Variants in BAG3 observed in about 807,000 individuals in gnomAD.
The protein encoded by BAG3 is BAG family molecular chaperone regulator 3.
In BAG3, 14 loss-of-function variants were observed where a neutral mutation model predicts 40.5. The ratio of observed to expected loss-of-function variants is 0.35; its 90% CI spans 0.23 to 0.54. The LOEUF is 0.54. Ranked by LOEUF, BAG3 falls within the 20% of genes least tolerant of loss-of-function variation. BAG3 has a pLI of 0.91. For synonymous variants in BAG3, 302 were observed against 307.8 expected (o/e 0.98, Z 0.20); for missense variants, 788 against 758.6 (o/e 1.04, Z -0.46).
At position 119,651,572 on chromosome 10, in the gene BAG3, A is replaced by G; in HGVS notation, c.-104A>G. 1 of 1,127,128 alleles carries G rather than the reference A, an allele frequency of 8.9e-7. No individual in the cohort carries two copies. Among genetic ancestry groups the G allele is most frequent in the Non-Finnish European group, 1.2e-6 (1 of 862,830 alleles). The allele number at this position is 1,127,128 out of a possible 1,614,324, so 69.8% of individuals were successfully genotyped here. A position where few individuals can be genotyped will look rare whatever the true frequency, so the allele number is the denominator to read the frequency against. ...GGTGCCCGGCGCCGGCTTCCCGGAC[A>G]CGTCGGCGGCGGAGAGGGGCCCACG... On this transcript the variant is annotated 5_prime_UTR_variant, in exon 1 of 4. Transcript: ENST00000369085.
chr10:119,651,454 T>G lies in BAG3; in HGVS notation c.-222T>G. On this transcript the variant is annotated 5_prime_UTR_variant, in exon 1 of 4. Transcript: ENST00000369085. The stretch of plus-strand genomic sequence containing the variant: ...TCTAGCCGGCCAGTTGCTACCTCCC[T>G]TTATCTCCTCCTTCCCCTCTGGCAG... 2.3e-6 allele frequency: 1 copy of G among 429,078 alleles called. No individual in the cohort carries two copies. The highest frequency in any genetic ancestry group is 4.0e-6 in the Non-Finnish European group (1 of 248,386). The allele number at this position is 429,078 out of a possible 1,614,324, so 26.6% of individuals were successfully genotyped here.
chr10:119,668,560 C>A (rs940190567), intron 1 of BAG3, among the ~76,000 whole-genome samples: 1 of 152,360 alleles, frequency 6.6e-6, no homozygotes. Flanking sequence ...ACTGTTAGGA[C>A]TTCTGTTGCG....
intron 1 of BAG3, among the ~76,000 whole-genome samples, chr10:119,654,354 C>G (rs1728356656): frequency 6.6e-6 from 1 of 152,184 alleles, no homozygotes; most frequent in Non-Finnish European, 1.5e-5. Flanking sequence ...GCATGAGGAG[C>G]TCAAGAGACG....
chr10:119,666,371 G>T (rs1467051484), intron 1 of BAG3, among the ~76,000 whole-genome samples: 4 of 152,124 alleles, frequency 2.6e-5, no homozygotes, highest in African/African-American at 9.7e-5. Context: ...CACTGCCCCT[G>T]CCTGCAGTGA....
At chr10:119,654,284 G>A (rs762215193) in intron 1 of BAG3, among the ~76,000 whole-genome samples, 1 of 152,166 alleles carries the variant, frequency 6.6e-6, no homozygotes, top group African/African-American at 2.4e-5. Flanking sequence ...GCTGAGGCCC[G>A]TCTGAGCATC....
In BAG3 at chr10:119,676,783, C is replaced by G. The variant is rs767934279; in HGVS notation, c.1229C>G (p.Pro410Arg). The G allele has an allele frequency of 6.2e-7, 1 of 1,614,200 alleles. No individual in the cohort carries two copies. Among genetic ancestry groups the G allele is most frequent in the Non-Finnish European group, 8.5e-7 (1 of 1,180,046 alleles). ...CCTGCAGAAGCTACACCTCCAAAAC[C>G]AGGAGAAGCCGAGGCTCCCCCAAAA... ...TAPAEATPPK[P>R]GEAEAPPKHP... The change falls in exon 4 of 4, where the codon CCA (proline) becomes CGA (arginine). Residue 410 changes from proline (P) to arginine (R), a missense_variant. By Grantham distance (103) the Pro-to-Arg change is moderately radical. Coordinates refer to ENST00000369085, the MANE Select transcript of BAG3 (RefSeq NM_004281.4).
At chr10:119,661,690 AT>A (rs1330480399) in intron 1 of BAG3, among the ~76,000 whole-genome samples, 2 of 151,906 alleles carry the variant, frequency 1.3e-5, no homozygotes, top group Non-Finnish European at 2.9e-5. Context: ...CCTGTGACTT[AT>A]GATAGTTTAT....
intron 1 of BAG3, among the ~76,000 whole-genome samples, chr10:119,656,095 T>C (rs950476132): frequency 6.6e-6 from 1 of 152,224 alleles, no homozygotes; most frequent in African/African-American, 2.4e-5. Context: ...ATGTTTATCA[T>C]CCAAAGTAGA....
chr10:119,663,564 T>C (rs541407188), intron 1 of BAG3, among the ~76,000 whole-genome samples: 108 of 152,298 alleles, frequency 7.1e-4, no homozygotes, highest in Non-Finnish European at 5.6e-4. Flanking sequence ...TCCACCCGCC[T>C]CGGCCTCCCA....
At chr10:119,656,283 G>A (rs950427133) in intron 1 of BAG3, among the ~76,000 whole-genome samples, 1 of 151,700 alleles carries the variant, frequency 6.6e-6, no homozygotes, top group African/African-American at 2.4e-5. Context: ...ACTTGACCGT[G>A]TTATTCTCCA....
At chr10:119,665,782 A>C (rs1847057132) in intron 1 of BAG3, among the ~76,000 whole-genome samples, 1 of 152,018 alleles carries the variant, frequency 6.6e-6, no homozygotes, top group African/African-American at 2.4e-5. Context: ...TTTTATTTAA[A>C]GCAATTTTTT....
intron 1 of BAG3, among the ~76,000 whole-genome samples, chr10:119,665,990 C>T (rs196318): frequency 0.35 from 52,838 of 152,014 alleles, 9,363 homozygotes; most frequent in Middle Eastern, 0.41. Flanking sequence ...CTGTCCTGAC[C>T]GTCTCTGCTT....
At chr10:119,654,465 T>G (rs1397136108) in intron 1 of BAG3, among the ~76,000 whole-genome samples, 1 of 152,230 alleles carries the variant, frequency 6.6e-6, no homozygotes, top group Non-Finnish European at 1.5e-5. Flanking sequence ...TTTTATTTCG[T>G]CTTCTACTGC....
chr10:119,663,075 G>T (rs1847014650), intron 1 of BAG3, among the ~76,000 whole-genome samples: 1 of 152,208 alleles, frequency 6.6e-6, no homozygotes, highest in East Asian at 1.9e-4. Flanking sequence ...CTCACAGAAG[G>T]TGCCCATTTT....
intron 1 of BAG3, among the ~76,000 whole-genome samples, chr10:119,656,281 G>C (rs767035315): frequency 1.3e-5 from 2 of 152,020 alleles, no homozygotes; most frequent in African/African-American, 2.4e-5. Context: ...ACACTTGACC[G>C]TGTTATTCTC....
chr10:119,671,776 T>C (rs981550923), intron 2 of BAG3, among the ~76,000 whole-genome samples: 2 of 151,426 alleles, frequency 1.3e-5, no homozygotes, highest in Admixed American at 6.6e-5. Flanking sequence ...TGTGTGTGTT[T>C]TGTTTTGTTT....
chr10:119,671,256 C>T (rs528653926), intron 2 of BAG3, among the ~76,000 whole-genome samples: 7 of 152,138 alleles, frequency 4.6e-5, no homozygotes, highest in Middle Eastern at 3.4e-3. Flanking sequence ...TGCAGTGAGC[C>T]GAGATCGCAC....
intron 1 of BAG3, among the ~76,000 whole-genome samples, chr10:119,656,149 G>A (rs1374176889): frequency 2.0e-5 from 3 of 152,116 alleles, no homozygotes; most frequent in Non-Finnish European, 4.4e-5. Context: ...TTTAAGTTTT[G>A]CTGTTTTAAT....
At chr10:119,663,101 A>G (rs1009194188) in intron 1 of BAG3, among the ~76,000 whole-genome samples, 3 of 152,152 alleles carry the variant, frequency 2.0e-5, no homozygotes, top group African/African-American at 7.2e-5. Context: ...TTCAGTGACC[A>G]CTCAGTGTGC....
Sources: allele counts gnomAD v4.1 joint callset (sites outside exome capture counted in the v4.1 genomes callset), GRCh38; gene constraint gnomAD v4.1.1; transcripts MANE v1.5; gene names NCBI Gene and HGNC (gene_info 2026-07-23, HGNC 2026-07-21).